NIPAL2: variants seen among roughly 807,000 people sequenced by gnomAD.
NIPAL2 encodes NIPA like domain containing 2.
In NIPAL2, 43 loss-of-function variants were observed where a neutral mutation model predicts 48.9. The ratio of observed to expected loss-of-function variants is 0.88; its 90% confidence interval spans 0.69 to 1.13. The LOEUF is 1.13. NIPAL2 is among the 50% of genes most tolerant of loss of function. NIPAL2 has a pLI of 0.00. For missense variants in NIPAL2, 446 were observed against 461.4 expected, an observed-to-expected ratio of 0.97 and a Z score of 0.31; for synonymous variants, 167 against 174.6, an observed-to-expected ratio of 0.96 and a Z score of 0.34.
intron 5 of NIPAL2, among the ~76,000 whole-genome samples, chr8:98,218,777 T>C (rs1253228679): frequency 6.6e-6 from 1 of 152,024 alleles, no homozygotes; most frequent in Non-Finnish European, 1.5e-5. Flanking sequence ...TCAGGGGTCA[T>C]AAGGAGATGG....
chr8:98,210,796 A>G (rs1811272403), intron 6 of NIPAL2, among the ~76,000 whole-genome samples: 1 of 152,174 alleles, frequency 6.6e-6, no homozygotes, highest in Admixed American at 6.5e-5. Context: ...AGGATAAATT[A>G]CCCCTTTTAT....
At chr8:98,287,960 C>A (rs1816270328) in intron 1 of NIPAL2, among the ~76,000 whole-genome samples, 1 of 152,118 alleles carries the variant, frequency 6.6e-6, no homozygotes, top group Non-Finnish European at 1.5e-5. Context: ...TATGACATAC[C>A]ATTTCCCATG....
rs1811362188 is a variant in NIPAL2, at chr8:98,212,422, G to T, written c.638C>A (p.Thr213Asn). The change falls in exon 6 of 11, where the codon ACC becomes AAC. Residue 213 changes from threonine to asparagine, a missense_variant. Physicochemically the swap from Thr to Asn is moderately conservative, Grantham distance 65. Transcript: ENST00000430223. ...GCCTTTACCTAGAATTGCCACCAGG[G>T]TTAGCAGAATCACCATATGCTTCAT... ...KGMKHMVILL[T>N]LVAILASLTV... is the part of the protein sequence containing the mutation. 2 of 1,586,122 alleles carry T rather than the reference G, an allele frequency of 1.3e-6. No individual in the cohort carries two copies. The highest frequency in any genetic ancestry group is 2.2e-5 in the East Asian group (1 of 44,700).
intron 2 of NIPAL2, 47 bp downstream of exon 2, chr8:98,253,972 G>T: frequency 7.5e-7 from 1 of 1,335,384 alleles, no homozygotes. Flanking sequence ...GTCATAATGT[G>T]TCCCTGGATC....
Position 98,244,325 on chromosome 8 carries a change from G to C in NIPAL2, c.377-8111C>G, listed in dbSNP as rs113190177. The stretch of plus-strand genomic sequence containing the variant: ...ATGAGAGGGTGGGCGTGGTGATGAG[G>C]GGTAGTCTGTAATGATGAGAGGGTG... On this transcript the variant is annotated intron_variant, in intron 3 of 10. Coordinates refer to ENST00000430223, the MANE Select transcript of NIPAL2 (RefSeq NM_001321635.2). Among the ~76,000 whole-genome samples the C allele has an allele frequency of 3.6e-3, 258 of 72,174 alleles. 1 individual carries two copies. The highest frequency in any genetic ancestry group is 0.018 in the African/African-American group (244 of 13,302). 47.3% of individuals were successfully genotyped at this position (72,174 alleles called of 152,430 possible).
Position 98,212,498 on chromosome 8 carries a change from A to G in NIPAL2, c.562T>C (p.Leu188=). Residue 188 remains leucine, a synonymous_variant, in exon 6 of 11, where the codon TTA becomes CTA. Transcript: ENST00000430223. ...AGAATGCAGAAAATTAATATTTCTA[A>G]AATCTAGAAATGAAAAAGATGGAAA... ...VGWQFLIYVI[L]EILIFCILLY... is the part of the protein sequence containing the mutation. 2 of 1,334,270 alleles carry G rather than the reference A, an allele frequency of 1.5e-6. No individual in the cohort carries two copies. The highest frequency in any genetic ancestry group is 2.2e-6 in the Non-Finnish European group (2 of 928,566). 82.7% of individuals were successfully genotyped at this position (1,334,270 alleles called of 1,614,324 possible).
intron 4 of NIPAL2, among the ~76,000 whole-genome samples, chr8:98,226,876 G>A (rs528923102): frequency 6.6e-6 from 1 of 152,210 alleles, no homozygotes; most frequent in South Asian, 2.1e-4. Flanking sequence ...TAGGCCCTGG[G>A]TGGGTCCAGA....
At chr8:98,292,233 C>CA (rs1313495293) in intron 1 of NIPAL2, among the ~76,000 whole-genome samples, 1 of 152,096 alleles carries the variant, frequency 6.6e-6, no homozygotes, top group Non-Finnish European at 1.5e-5. Flanking sequence ...TATTCAGTGT[C>CA]AAAAAAGACA....
At chr8:98,229,107 C>G (rs754231275) in intron 4 of NIPAL2, among the ~76,000 whole-genome samples, 60 of 152,258 alleles carry the variant, frequency 3.9e-4, no homozygotes, top group Non-Finnish European at 6.2e-4. Context: ...ATGCTACCCA[C>G]AATGCAGGCA....
Position 98,260,516 on chromosome 8 carries a change from C to T in NIPAL2, c.136-6429G>A, listed in dbSNP as rs530382006. 2.9e-3 allele frequency among the ~76,000 whole-genome samples: 435 copies of T among 152,262 alleles called. 1 individual carries two copies. Among genetic ancestry groups the T allele is most frequent in the Middle Eastern group, 0.01 (3 of 294 alleles). ...CTTTCCGAGTCAAAGAAAGGGGTGA[C>T]GGACGGCACCTGGAAAATCGGGTCA... On this transcript the variant is annotated intron_variant, in intron 1 of 10. Coordinates refer to ENST00000430223, the MANE Select transcript of NIPAL2 (RefSeq NM_001321635.2).
At chr8:98,249,147 A>C (rs1263259533) in intron 3 of NIPAL2, among the ~76,000 whole-genome samples, 1 of 151,690 alleles carries the variant, frequency 6.6e-6, no homozygotes, top group Admixed American at 6.6e-5. Flanking sequence ...CATAGTGTGC[A>C]TAGGCCTGTT....
At chr8:98,202,215 T>C (rs1338106614) in intron 8 of NIPAL2, among the ~76,000 whole-genome samples, 1 of 152,244 alleles carries the variant, frequency 6.6e-6, no homozygotes, top group Non-Finnish European at 1.5e-5. Flanking sequence ...TTTCTATTCT[T>C]GTCTCTCAGG....
chr8:98,243,905 T>C (rs938236934), intron 3 of NIPAL2, among the ~76,000 whole-genome samples: 8 of 152,238 alleles, frequency 5.3e-5, no homozygotes, highest in Non-Finnish European at 1.2e-4. Flanking sequence ...AATAATTTTT[T>C]ATTAAAAGCT....
chr8:98,194,746 C>G lies in NIPAL2; in HGVS notation c.1021G>C (p.Asp341His), dbSNP rs201251313. The G allele has an allele frequency of 1.1e-4, 165 of 1,548,982 alleles. No individual in the cohort carries two copies. Among genetic ancestry groups the G allele is most frequent in the Non-Finnish European group, 1.6e-5 (19 of 1,152,200 alleles). ...EKEHLQQSYI[D>H]FGNIPGKQML... ...ATTTTACCAGGAATATTTCCAAAAT[C>G]AATATAAGACTGTTGCAGATGTTCC... The change falls in exon 10 of 11, where the codon GAT becomes CAT. Residue 341 changes from aspartate (D) to histidine (H), a missense_variant. By Grantham distance (81) the Asp-to-His change is moderately conservative. Transcript: ENST00000430223.
chr8:98,193,096 G>A lies in NIPAL2; in HGVS notation c.1040-6C>T, dbSNP rs780772947. The A allele has an allele frequency of 5.0e-6, 8 of 1,598,180 alleles. No individual in the cohort carries two copies. In the East Asian group the frequency reaches 1.8e-4, roughly 36 times the overall value. On this transcript the variant is annotated splice_region_variant and splice_polypyrimidine_tract_variant and intron_variant, in intron 10 of 10. Transcript: ENST00000430223. ...TTTGTCCAACATTTGTTTCCCTGTG[G>A]AGATAATAATCATAGAGAATCTTTT...
intron 2 of NIPAL2, among the ~76,000 whole-genome samples, chr8:98,253,538 G>C (rs1813707881): frequency 6.6e-6 from 1 of 152,042 alleles, no homozygotes; most frequent in Non-Finnish European, 1.5e-5. Context: ...TTCAGTTATA[G>C]TTCCTATTTT....
intron 1 of NIPAL2, among the ~76,000 whole-genome samples, chr8:98,257,281 C>A (rs1403848612): frequency 6.6e-6 from 1 of 152,116 alleles, no homozygotes; most frequent in African/African-American, 2.4e-5. Context: ...TATAGCATCA[C>A]ATGACAGATA....
chr8:98,259,291 G>C (rs565720647), intron 1 of NIPAL2, among the ~76,000 whole-genome samples: 1 of 151,426 alleles, frequency 6.6e-6, no homozygotes, highest in Non-Finnish European at 1.5e-5. Flanking sequence ...TAGCCAGGAT[G>C]GTCTCGATCT....
At chr8:98,222,398 G>T (rs1212419400) in intron 5 of NIPAL2, 81 bp downstream of exon 5, 2 of 1,398,536 alleles carry the variant, frequency 1.4e-6, no homozygotes, top group Admixed American at 2.4e-5. Flanking sequence ...GTAAGGAAAA[G>T]ATTATGTTCT....
Sources: allele counts gnomAD v4.1 joint callset (sites outside exome capture counted in the v4.1 genomes callset), GRCh38; gene constraint gnomAD v4.1.1; transcripts MANE v1.5; gene names NCBI Gene and HGNC (gene_info 2026-07-23, HGNC 2026-07-21).